PLB1: variants seen among roughly 807,000 people sequenced by gnomAD.
PLB1 encodes the protein phospholipase B1, membrane-associated.
A neutral mutation model predicts 227.4 loss-of-function variants in PLB1; 242 were observed. The ratio of observed to expected loss-of-function variants is 1.06; its 90% CI spans 0.96 to 1.18. The LOEUF is 1.18. PLB1 is among the 50% of genes most tolerant of loss of function. The probability of loss-of-function intolerance (pLI) is 0.00; values close to 1 mark genes in which losing one functional copy is unlikely to be tolerated. For synonymous variants in PLB1, 757 were observed against 682.2 expected (o/e 1.11, Z -1.71); for missense variants, 1,858 against 1,816.3 (o/e 1.02, Z -0.42).
chr2:28,641,805 C>T (rs1201422869), intron 57 of PLB1, among the ~76,000 whole-genome samples: 2 of 152,118 alleles, frequency 1.3e-5, no homozygotes, highest in Non-Finnish European at 2.9e-5. Context: ...CCCTCTTCTC[C>T]ATCCACCCTA....
chr2:28,632,958 C>CCT lies in PLB1; in HGVS notation c.4019_4020dup (p.Thr1341SerfsTer112). The CCT allele has an allele frequency of 6.2e-7, 1 of 1,605,882 alleles. No individual in the cohort carries two copies. Among genetic ancestry groups the CCT allele is most frequent in the Non-Finnish European group, 8.5e-7 (1 of 1,179,804 alleles). ...GTTGGTTGCAGAGAGGGGACACTGA[C>CCT]CTCACCTTCTTCTCCGAGGACTGTT... On this transcript the variant is annotated frameshift_variant, in exon 56 of 58. Transcript: ENST00000327757. LOFTEE classifies it high-confidence loss of function.
At chr2:28,608,696 C>T (rs1386790836) in intron 43 of PLB1, among the ~76,000 whole-genome samples, 2 of 152,188 alleles carry the variant, frequency 1.3e-5, no homozygotes, top group Non-Finnish European at 2.9e-5. Flanking sequence ...ACACCTGGTC[C>T]TTTTCTTAGG....
chr2:28,614,101 C>A lies in PLB1; in HGVS notation c.3195+5C>A. On this transcript the variant is annotated splice_donor_5th_base_variant and intron_variant, in intron 44 of 57. Transcript: ENST00000327757. The stretch of plus-strand genomic sequence containing the variant: ...CCCATCAAGCCAGCCATTGAGGTAA[C>A]CCCTGACTCACATCTGCCTCTCTCA... 6.2e-7 allele frequency: 1 copy of A among 1,608,868 alleles called. No homozygotes were observed. The highest frequency in any genetic ancestry group is 1.1e-5 in the South Asian group (1 of 90,980).
At chr2:28,556,370 AC>A (rs1193348574) in intron 17 of PLB1, among the ~76,000 whole-genome samples, 1 of 152,172 alleles carries the variant, frequency 6.6e-6, no homozygotes, top group Admixed American at 6.5e-5. Flanking sequence ...CCACTGACTT[AC>A]GGGGCCCTAG....
intron 17 of PLB1, among the ~76,000 whole-genome samples, chr2:28,555,910 C>T (rs1202332097): frequency 6.7e-6 from 1 of 149,652 alleles, no homozygotes; most frequent in Non-Finnish European, 1.5e-5. Flanking sequence ...AGTCTGTCGC[C>T]CAGGCTGGAG....
intron 6 of PLB1, among the ~76,000 whole-genome samples, chr2:28,527,182 C>T (rs543751919): frequency 2.0e-5 from 3 of 152,280 alleles, no homozygotes; most frequent in South Asian, 2.1e-4. Context: ...TTTCTCAGTT[C>T]GTCTCAATTT....
At chr2:28,554,499 T>TTTTTTTTTTTTTTTTTTTG in intron 17 of PLB1, among the ~76,000 whole-genome samples, 1 of 38,870 alleles carries the variant, frequency 2.6e-5, no homozygotes, top group African/African-American at 6.6e-5. Flanking sequence ...CTTTTTTTTT[T>TTTTTTTTTTTTTTTTTTTG]TTTTTTTTTT....
rs531809743 is a variant in PLB1 at position 28,606,523 on chromosome 2, A to C, written c.3085A>C (p.Thr1029Pro). ...TGAACCACTTGGAAGCAAAACAGAG[A>C]CCCTGGACCTGAGAGCAGAGATGCC... Reference protein sequence around the residue: ...MLEPLGSKTETLDLRAEMPIT... With the variant: ...MLEPLGSKTEPLDLRAEMPIT... The change falls in exon 43 of 58, where the codon ACC becomes CCC. Residue 1029 changes from threonine (T) to proline (P), a missense_variant. By Grantham distance (38) the Thr-to-Pro change is conservative. Coordinates refer to ENST00000327757, the MANE Select transcript of PLB1 (RefSeq NM_153021.5). 3 of 1,613,926 alleles carry C rather than the reference A, an allele frequency of 1.9e-6. No homozygotes were observed. The highest frequency in any genetic ancestry group is 2.5e-6 in the Non-Finnish European group (3 of 1,179,976).
At chr2:28,636,057 GTGTA>G (rs375434712) in intron 56 of PLB1, among the ~76,000 whole-genome samples, 3 of 109,244 alleles carry the variant, frequency 2.7e-5, no homozygotes, top group East Asian at 6.3e-4. Context: ...ATGTGTATGT[GTGTA>G]TGTATGTATG....
intron 40 of PLB1, 96 bp downstream of exon 40, chr2:28,604,143 A>T: frequency 8.1e-7 from 1 of 1,234,998 alleles, no homozygotes; most frequent in East Asian, 2.4e-5. Flanking sequence ...GGGAAGGAAA[A>T]GCTGGTCAGG....
At chr2:28,541,627 G>A (rs183332101) in intron 12 of PLB1, 80 bp from the exon 13 acceptor site, 19 of 1,049,680 alleles carry the variant, frequency 1.8e-5, no homozygotes, top group African/African-American at 9.4e-5. Flanking sequence ...CAGGGCTGCC[G>A]AGAATGATTT....
At chr2:28,594,301 T>A (rs2148289213) in intron 33 of PLB1, 2 of 251,124 alleles carry the variant, frequency 8.0e-6, no homozygotes, top group South Asian at 4.1e-5. Context: ...AGAAAGGGCA[T>A]CCCGAACACG....
intron 9 of PLB1, among the ~76,000 whole-genome samples, chr2:28,535,429 G>A (rs78308401): frequency 0.053 from 8,002 of 152,316 alleles, 298 homozygotes; most frequent in Non-Finnish European, 0.083. Flanking sequence ...TGGCCTCCTG[G>A]CCAGGCCTGC....
At chr2:28,591,105 G>A (rs1681835462) in intron 29 of PLB1, 28 bp from the exon 30 acceptor site, 1 of 1,613,956 alleles carries the variant, frequency 6.2e-7, no homozygotes, top group African/African-American at 1.3e-5. Flanking sequence ...AGAATTTGCT[G>A]CCATTGCTCA....
In PLB1 at chr2:28,643,677, G is replaced by T. The variant is rs993666814; in HGVS notation, c.*616G>T. The T allele has an allele frequency of 1.3e-5, 2 of 152,262 alleles. No homozygotes were observed. The highest frequency in any genetic ancestry group is 2.9e-5 in the Non-Finnish European group (2 of 68,048). 9.4% of individuals were successfully genotyped at this position (152,262 alleles called of 1,614,324 possible). On this transcript the variant is annotated 3_prime_UTR_variant, in exon 58 of 58. Transcript: ENST00000327757. The stretch of plus-strand genomic sequence containing the variant: ...ACTACTAGGGCATCAGTAGGTAAAT[G>T]TGTCTGATTGTTTTAAAGAATAGAA...
chr2:28,557,800 C>CT (rs1237201184), intron 17 of PLB1, among the ~76,000 whole-genome samples: 1 of 152,218 alleles, frequency 6.6e-6, no homozygotes, highest in Admixed American at 6.5e-5. Flanking sequence ...GGGAGAGCAA[C>CT]TGCTAAAGTG....
At chr2:28,597,316 C>T (rs756389073) in intron 33 of PLB1, among the ~76,000 whole-genome samples, 2 of 149,266 alleles carry the variant, frequency 1.3e-5, no homozygotes, top group African/African-American at 4.9e-5. Flanking sequence ...TGCTGGGATT[C>T]GAAAAAGAGA....
intron 49 of PLB1, among the ~76,000 whole-genome samples, chr2:28,622,278 G>C (rs1295926851): frequency 6.6e-6 from 1 of 152,176 alleles, no homozygotes; most frequent in African/African-American, 2.4e-5. Context: ...CTACATTCCA[G>C]CTCCAAGGCT....
chr2:28,620,927 C>T lies in PLB1; in HGVS notation c.3476C>T (p.Thr1159Ile). 6.2e-7 allele frequency: 1 copy of T among 1,613,924 alleles called. No homozygotes were observed. Among genetic ancestry groups the T allele is most frequent in the Non-Finnish European group, 8.5e-7 (1 of 1,179,926 alleles). Residue 1159 changes from threonine to isoleucine, a missense_variant, in exon 49 of 58, where the codon ACC becomes ATC. By Grantham distance (89) the Thr-to-Ile change is moderately conservative (BLOSUM62 -1). Coordinates refer to ENST00000327757, the MANE Select transcript of PLB1 (RefSeq NM_153021.5). ...NPYLLGFSTSTWEGTAGLNVA... is the reference protein window; with the variant it reads ...NPYLLGFSTSIWEGTAGLNVA... ...TACCTCCTTGGCTTCTCTACCAGCA[C>T]CTGGGAGGGGACAGCAGGACTAAAT...
Sources: gnomAD v4.1 joint callset for allele counts (sites outside exome capture counted in the v4.1 genomes callset) on GRCh38, gnomAD v4.1.1 for gene constraint, MANE v1.5 for transcripts, NCBI Gene and HGNC (gene_info 2026-07-23, HGNC 2026-07-21) for gene names.